Variants in BAZ1B observed in about 807,000 individuals in gnomAD.
BAZ1B encodes the protein tyrosine-protein kinase BAZ1B.
A neutral mutation model predicts 153.8 loss-of-function variants in BAZ1B; 22 were observed. The ratio of observed to expected loss-of-function variants is 0.14; its 90% confidence interval spans 0.10 to 0.20. The LOEUF (loss-of-function observed/expected upper bound fraction) is 0.20. BAZ1B is among the 10% of genes least tolerant of loss of function. BAZ1B has a pLI of 1.00. For synonymous variants in BAZ1B, 676 were observed against 633.4 expected, an observed-to-expected ratio of 1.07 and a Z score of -1.01; for missense variants, 1,325 against 1,799.3, an observed-to-expected ratio of 0.74 and a Z score of 4.77.
intron 1 of BAZ1B, among the ~76,000 whole-genome samples, chr7:73,515,807 G>A (rs1554579195): frequency 6.6e-6 from 1 of 152,096 alleles, no homozygotes; most frequent in African/African-American, 2.4e-5. Context: ...CTCCCAAAGT[G>A]CTGGCATGAA....
chr7:73,461,336 A>T (rs1554570354), intron 12 of BAZ1B, among the ~76,000 whole-genome samples: 2 of 152,220 alleles, frequency 1.3e-5, no homozygotes, highest in African/African-American at 4.8e-5. Context: ...AGAAATAAAA[A>T]ATGTCCTTAA....
chr7:73,454,341 GA>G (rs1788120889), intron 13 of BAZ1B, among the ~76,000 whole-genome samples: 1 of 151,976 alleles, frequency 6.6e-6, no homozygotes, highest in East Asian at 1.9e-4. Flanking sequence ...ACAGGAAGGT[GA>G]AAACTAAATC....
rs1450191839 is a variant in BAZ1B at position 73,489,233 on chromosome 7, C to T, written c.852G>A (p.Leu284=). ...GTAAAAAGTCACTGAACTTGCTGGGCAGAGAGTATTTCTTCACCAATTCAT... is the reference window on the plus strand; with the variant it reads ...GTAAAAAGTCACTGAACTTGCTGGGTAGAGAGTATTTCTTCACCAATTCAT... ...VEDELVKKYS[L]PSKFSDFLLD... is the part of the protein sequence containing the mutation. The change falls in exon 6 of 20, where the codon CTG becomes CTA. Residue 284 remains leucine, a synonymous_variant. Transcript: ENST00000339594. The T allele has an allele frequency of 3.7e-6, 6 of 1,614,054 alleles. No individual in the cohort carries two copies. Among genetic ancestry groups the T allele is most frequent in the Admixed American group, 1.7e-5 (1 of 59,996 alleles).
chr7:73,520,454 T>C (rs1269089071), intron 1 of BAZ1B, among the ~76,000 whole-genome samples: 1 of 152,110 alleles, frequency 6.6e-6, no homozygotes, highest in African/African-American at 2.4e-5. Flanking sequence ...AGGGATGAGG[T>C]AGGAAGAGCG....
At chr7:73,497,164 G>C (rs1428721274) in intron 4 of BAZ1B, among the ~76,000 whole-genome samples, 1 of 150,824 alleles carries the variant, frequency 6.6e-6, no homozygotes, top group African/African-American at 2.4e-5. Context: ...GATCGCTTCG[G>C]CCAGGAATGT....
intron 3 of BAZ1B, among the ~76,000 whole-genome samples, chr7:73,500,721 T>C (rs1195179542): frequency 6.6e-6 from 1 of 150,474 alleles, no homozygotes; most frequent in Non-Finnish European, 1.5e-5. Context: ...TGAAACTTCG[T>C]CTCTACTAAA....
intron 1 of BAZ1B, among the ~76,000 whole-genome samples, chr7:73,519,008 T>C (rs1214431514): frequency 6.6e-6 from 1 of 152,240 alleles, no homozygotes; most frequent in Admixed American, 6.5e-5. Context: ...TTCCAAGATC[T>C]AGTGTCCTGC....
At chr7:73,443,435 G>A (rs978972558) in intron 17 of BAZ1B, among the ~76,000 whole-genome samples, 2 of 152,130 alleles carry the variant, frequency 1.3e-5, no homozygotes, top group Non-Finnish European at 2.9e-5. Context: ...GTGGCAAACC[G>A]AGCATCTTCT....
chr7:73,496,430 CAA>C (rs1283815097), intron 4 of BAZ1B, among the ~76,000 whole-genome samples: 7 of 152,186 alleles, frequency 4.6e-5, no homozygotes, highest in Non-Finnish European at 8.8e-5. Flanking sequence ...TCTAGACACA[CAA>C]AATAGAATGG....
At chr7:73,446,534 G>T (rs1787841746) in intron 16 of BAZ1B, among the ~76,000 whole-genome samples, 1 of 131,684 alleles carries the variant, frequency 7.6e-6, no homozygotes, top group Admixed American at 8.5e-5. Context: ...CCAGGCGACA[G>T]TGAGACCATC....
chr7:73,457,254 T>A (rs1023770406), intron 13 of BAZ1B, among the ~76,000 whole-genome samples: 16 of 152,158 alleles, frequency 1.1e-4, no homozygotes, highest in African/African-American at 3.9e-4. Context: ...CTCTGCTCAC[T>A]GTAGCATCAG....
At chr7:73,459,515 C>T (rs782607857) in intron 13 of BAZ1B, 21 bp downstream of exon 13, 317 of 1,605,018 alleles carry the variant, frequency 2.0e-4, no homozygotes, top group Non-Finnish European at 2.5e-4. Flanking sequence ...TCATAAACTA[C>T]AACTTATAAC....
chr7:73,522,280 C>T lies in BAZ1B; in HGVS notation c.-347G>A, dbSNP rs1463216472. ...GATTCCCCTCCTCCCCCGGGCCCGG[C>T]CAACGCACACACTAACTTGCTCCCC... On this transcript the variant is annotated 5_prime_UTR_variant, in exon 1 of 20. Transcript: ENST00000339594. 3 of 374,488 alleles carry T rather than the reference C, an allele frequency of 8.0e-6. No homozygotes were observed. Among genetic ancestry groups the T allele is most frequent in the Non-Finnish European group, 1.4e-5 (3 of 210,824 alleles). The allele number at this position is 374,488 out of a possible 1,614,324, so 23.2% of individuals were successfully genotyped here.
intron 4 of BAZ1B, among the ~76,000 whole-genome samples, chr7:73,497,424 T>TG (rs1554576526): frequency 1.3e-5 from 2 of 152,224 alleles, no homozygotes; most frequent in African/African-American, 4.8e-5. Flanking sequence ...CTTCATATTT[T>TG]TCTTGACTGA....
intron 6 of BAZ1B, among the ~76,000 whole-genome samples, chr7:73,481,312 G>T (rs973290292): frequency 6.6e-6 from 1 of 151,886 alleles, no homozygotes. Flanking sequence ...CGGATCATGA[G>T]GTCAGGAGAT....
At chr7:73,462,214 G>GT (rs1415743888) in intron 12 of BAZ1B, among the ~76,000 whole-genome samples, 1 of 152,100 alleles carries the variant, frequency 6.6e-6, no homozygotes, top group African/African-American at 2.4e-5. Flanking sequence ...TTCAGCCTGG[G>GT]TAACAGAGGG....
chr7:73,467,340 TGTTTA>T (rs1359967940), intron 9 of BAZ1B, among the ~76,000 whole-genome samples: 1 of 152,124 alleles, frequency 6.6e-6, no homozygotes, highest in African/African-American at 2.4e-5. Flanking sequence ...CACATAACTT[TGTTTA>T]GTCTTTTCAA....
Position 73,492,966 on chromosome 7 carries a change from T to C in BAZ1B, c.572-45A>G, listed in dbSNP as rs546237152. ...TTAGTGAAAAACGTAATTATTTTAA[T>C]CCTTTTCATTCATTCATTAACAAGT... On this transcript the variant is annotated intron_variant, in intron 4 of 19. Coordinates refer to ENST00000339594, the MANE Select transcript of BAZ1B (RefSeq NM_032408.4). The C allele has an allele frequency of 1.0e-4, 157 of 1,548,168 alleles. 1 individual carries two copies. The South Asian group carries it at 1.8e-3, about 18-fold the overall frequency.
chr7:73,454,768 C>T (rs1244988923), intron 13 of BAZ1B, among the ~76,000 whole-genome samples: 1 of 152,202 alleles, frequency 6.6e-6, no homozygotes, highest in Admixed American at 6.5e-5. Context: ...AGCCTGAGTA[C>T]TGCTGTTTCT....
Sources: allele counts gnomAD v4.1 joint callset (sites outside exome capture counted in the v4.1 genomes callset), GRCh38; gene constraint gnomAD v4.1.1; transcripts MANE v1.5; gene names NCBI Gene and HGNC (gene_info 2026-07-23, HGNC 2026-07-21).